Variants in ELAPOR2 observed in about 807,000 individuals in gnomAD.
ELAPOR2 encodes endosome-lysosome associated apoptosis and autophagy regulator family member 2.
Under a neutral mutation model 120.7 loss-of-function variants are expected in ELAPOR2, and 89 were observed. The observed-to-expected ratio is 0.74, with a 90% CI of 0.62 to 0.88. The LOEUF (loss-of-function observed/expected upper bound fraction) is 0.88. Ranked by LOEUF, ELAPOR2 falls within the 40% of genes least tolerant of loss-of-function variation. ELAPOR2 has a pLI of 0.00. For missense variants in ELAPOR2, 1,134 were observed against 1,251.6 expected (o/e 0.91, Z 1.42); for synonymous variants, 444 against 444.9 (o/e 1.00, Z 0.03).
At chr7:87,024,807 A>C (rs1794190571) in intron 1 of ELAPOR2, among the ~76,000 whole-genome samples, 2 of 152,140 alleles carry the variant, frequency 1.3e-5, no homozygotes, top group Non-Finnish European at 2.9e-5. Flanking sequence ...ATCTAGAAAA[A>C]AGGGATAAAT....
At chr7:86,920,417 C>T (rs1210643026) in intron 10 of ELAPOR2, among the ~76,000 whole-genome samples, 19 of 152,064 alleles carry the variant, frequency 1.2e-4, no homozygotes, top group Non-Finnish European at 2.2e-4. Flanking sequence ...AGACTGTAAA[C>T]TTCCAGTAGG....
intron 1 of ELAPOR2, among the ~76,000 whole-genome samples, chr7:87,040,221 C>CT (rs1794734046): frequency 6.6e-6 from 1 of 152,246 alleles, no homozygotes; most frequent in African/African-American, 2.4e-5. Flanking sequence ...CCCAGGCTTG[C>CT]TTAGGTAAAC....
At chr7:87,049,375 G>A (rs1333759034) in intron 1 of ELAPOR2, among the ~76,000 whole-genome samples, 4 of 151,838 alleles carry the variant, frequency 2.6e-5, no homozygotes, top group Non-Finnish European at 4.4e-5. Flanking sequence ...TCCGCCTCCC[G>A]GGTTCACGCC....
chr7:86,987,957 T>A (rs1386349166), intron 1 of ELAPOR2, among the ~76,000 whole-genome samples: 1 of 152,102 alleles, frequency 6.6e-6, no homozygotes, highest in Non-Finnish European at 1.5e-5. Flanking sequence ...CAAATATCCA[T>A]CAATGATAGA....
intron 1 of ELAPOR2, among the ~76,000 whole-genome samples, chr7:87,023,294 T>A (rs1430003604): frequency 6.6e-6 from 1 of 152,222 alleles, no homozygotes; most frequent in Non-Finnish European, 1.5e-5. Context: ...GCTAGCCAGT[T>A]TTCCCAGCAC....
At chr7:86,894,599 T>G (rs369897948) in intron 19 of ELAPOR2, among the ~76,000 whole-genome samples, 1 of 152,090 alleles carries the variant, frequency 6.6e-6, no homozygotes. Context: ...TTTCAATAAG[T>G]GTCTCAAATA....
chr7:86,938,272 A>T (rs1233987598), intron 7 of ELAPOR2, 58 bp from the exon 8 acceptor site: 1 of 1,323,558 alleles, frequency 7.6e-7, no homozygotes, highest in Non-Finnish European at 1.1e-6. Flanking sequence ...CTCTAAGAAA[A>T]GGCAAAAAAG....
chr7:86,893,859 T>C (rs968219800), intron 19 of ELAPOR2, among the ~76,000 whole-genome samples: 5 of 152,028 alleles, frequency 3.3e-5, no homozygotes, highest in Non-Finnish European at 7.4e-5. Context: ...ACAGATCAAA[T>C]AGGCAGATCA....
intron 2 of ELAPOR2, among the ~76,000 whole-genome samples, chr7:86,963,387 G>A (rs1445724978): frequency 6.6e-6 from 1 of 152,178 alleles, no homozygotes; most frequent in Non-Finnish European, 1.5e-5. Context: ...TCAGTGCTAT[G>A]CTGATAAGTA....
At chr7:87,023,725 T>A (rs1562972384) in intron 1 of ELAPOR2, among the ~76,000 whole-genome samples, 2 of 152,178 alleles carry the variant, frequency 1.3e-5, no homozygotes, top group African/African-American at 2.4e-5. Flanking sequence ...TTTGTTTGTA[T>A]CCTCTTTTAT....
intron 8 of ELAPOR2, among the ~76,000 whole-genome samples, chr7:86,933,461 C>A (rs1020323158): frequency 6.6e-6 from 1 of 151,858 alleles, no homozygotes; most frequent in Non-Finnish European, 1.5e-5. Context: ...TGGTTAGAAC[C>A]AAGATAGATG....
intron 1 of ELAPOR2, among the ~76,000 whole-genome samples, chr7:86,982,886 C>T (rs528483491): frequency 6.9e-6 from 1 of 144,334 alleles, no homozygotes; most frequent in Admixed American, 6.8e-5. Context: ...TACCAAACTT[C>T]TCCGAGCTAA....
At chr7:86,990,698 C>T (rs911492480) in intron 1 of ELAPOR2, among the ~76,000 whole-genome samples, 4 of 152,064 alleles carry the variant, frequency 2.6e-5, no homozygotes, top group African/African-American at 7.2e-5. Flanking sequence ...ATTATTTTTT[C>T]TGAGGACCAC....
rs765143715 is a variant in ELAPOR2 at position 86,879,420 on chromosome 7, C to A, written c.*1051G>T. On this transcript the variant is annotated 3_prime_UTR_variant, in exon 22 of 22. Transcript: ENST00000450689. ...ATATGTAATTTTTCAAAACTGAATT[C>A]CTGCCTTATTGGATTATTTTTTTAA... The A allele has an allele frequency of 6.6e-6, 1 of 152,126 alleles. No individual in the cohort carries two copies. The highest frequency in any genetic ancestry group is 2.1e-4 in the South Asian group (1 of 4,832). 9.4% of individuals were successfully genotyped at this position (152,126 alleles called of 1,614,324 possible).
At chr7:86,940,366 C>T (rs1308834564) in intron 5 of ELAPOR2, among the ~76,000 whole-genome samples, 1 of 151,922 alleles carries the variant, frequency 6.6e-6, no homozygotes, top group Non-Finnish European at 1.5e-5. Context: ...TCTAAACAAA[C>T]ACAAAAAATG....
At chr7:87,008,017 G>T (rs1793541341) in intron 1 of ELAPOR2, among the ~76,000 whole-genome samples, 2 of 152,130 alleles carry the variant, frequency 1.3e-5, no homozygotes, top group Non-Finnish European at 2.9e-5. Flanking sequence ...TATTTATACA[G>T]TCTTACTATA....
At chr7:86,893,975 G>A (rs1303037854) in intron 19 of ELAPOR2, among the ~76,000 whole-genome samples, 1 of 151,992 alleles carries the variant, frequency 6.6e-6, no homozygotes, top group Non-Finnish European at 1.5e-5. Context: ...TAATAATATA[G>A]GCACTAATCT....
intron 21 of ELAPOR2, among the ~76,000 whole-genome samples, chr7:86,887,896 G>GAC (rs750489460): frequency 1.3e-5 from 2 of 151,874 alleles, no homozygotes; most frequent in Non-Finnish European, 2.9e-5. Flanking sequence ...CACACAGACA[G>GAC]ACACACATAT....
intron 1 of ELAPOR2, among the ~76,000 whole-genome samples, chr7:86,985,302 A>C (rs1334353025): frequency 6.6e-6 from 1 of 152,236 alleles, no homozygotes; most frequent in Non-Finnish European, 1.5e-5. Context: ...AAACTATTCC[A>C]ATCAACAGAA....
Sources: gnomAD v4.1 joint callset for allele counts (sites outside exome capture counted in the v4.1 genomes callset) on GRCh38, gnomAD v4.1.1 for gene constraint, MANE v1.5 for transcripts, NCBI Gene and HGNC (gene_info 2026-07-23, HGNC 2026-07-21) for gene names.